Variants in ELL observed in about 807,000 individuals in gnomAD.
ELL encodes the protein RNA polymerase II elongation factor ELL.
In ELL, 18 loss-of-function variants were observed where a neutral mutation model predicts 64.0. The observed-to-expected ratio is 0.28, with a 90% CI of 0.19 to 0.42. The LOEUF is 0.42. ELL is among the 10% of genes least tolerant of loss of function. The probability of loss-of-function intolerance (pLI) is 1.00; values close to 1 mark genes in which losing one functional copy is unlikely to be tolerated. For missense variants in ELL, 797 were observed against 870.4 expected (o/e 0.92, Z 1.06); for synonymous variants, 399 against 376.2 (o/e 1.06, Z -0.70).
intron 4 of ELL, among the ~76,000 whole-genome samples, chr19:18,462,143 C>T (rs184230663): frequency 9.8e-4 from 149 of 151,272 alleles, no homozygotes; most frequent in African/African-American, 3.5e-3. Context: ...AAATCCTGGA[C>T]AGCAAAATCA....
intron 1 of ELL, among the ~76,000 whole-genome samples, chr19:18,479,994 T>C (rs1975264410): frequency 6.6e-6 from 1 of 152,164 alleles, no homozygotes; most frequent in Admixed American, 6.5e-5. Flanking sequence ...TGCTGTCTAC[T>C]GGGCAAGGCC....
At chr19:18,513,627 G>A (rs1361750192) in intron 1 of ELL, among the ~76,000 whole-genome samples, 1 of 152,096 alleles carries the variant, frequency 6.6e-6, no homozygotes, top group African/African-American at 2.4e-5. Flanking sequence ...AACTTCACAG[G>A]ATGCTTTTAA....
In ELL at chr19:18,443,090, C is replaced by G. The variant is rs1306099644; in HGVS notation, c.*1662G>C. 3 of 232,720 alleles carry G rather than the reference C, an allele frequency of 1.3e-5. No individual in the cohort carries two copies. Among genetic ancestry groups the G allele is most frequent in the South Asian group, 1.8e-4 (1 of 5,530 alleles). 14.4% of individuals were successfully genotyped at this position (232,720 alleles called of 1,614,324 possible). A position where few individuals can be genotyped will look rare whatever the true frequency, so the allele number is the denominator to read the frequency against. On this transcript the variant is annotated 3_prime_UTR_variant, in exon 12 of 12. Coordinates refer to ENST00000262809, the MANE Select transcript of ELL (RefSeq NM_006532.4). ...GGGGCGGGCAGTCCCGGGCTGGGAC[C>G]TCCTGAAATCATCCCACCTCACCGG...
intron 1 of ELL, among the ~76,000 whole-genome samples, chr19:18,518,839 G>C (rs1273278091): frequency 6.6e-6 from 1 of 151,718 alleles, no homozygotes; most frequent in Admixed American, 6.6e-5. Flanking sequence ...GGTAGAGTGA[G>C]AAGGCCAGCA....
Position 18,465,564 on chromosome 19 carries a change from ACTTCCC to A in ELL, c.311_316del (p.Gly104_Glu105del). On this transcript the variant is annotated inframe_deletion, in exon 4 of 12. Transcript: ENST00000262809. ...TATGCTGCCCAGGCAGTCCAGGTGA[ACTTCCC>A]CATGACTGCAAGACAAGGCCAGGAG... 6.3e-7 allele frequency: 1 copy of A among 1,595,470 alleles called. No homozygotes were observed. The highest frequency in any genetic ancestry group is 8.6e-7 in the Non-Finnish European group (1 of 1,166,392).
intron 1 of ELL, among the ~76,000 whole-genome samples, chr19:18,492,493 A>T (rs181641641): frequency 6.6e-6 from 1 of 152,226 alleles, no homozygotes; most frequent in Non-Finnish European, 1.5e-5. Flanking sequence ...AGTGCATCCA[A>T]CGATGGCTGT....
chr19:18,493,268 G>A (rs1975570301), intron 1 of ELL, among the ~76,000 whole-genome samples: 1 of 152,240 alleles, frequency 6.6e-6, no homozygotes, highest in Non-Finnish European at 1.5e-5. Context: ...AAGGGCCGCT[G>A]TCACCACAGT....
chr19:18,453,714 T>C (rs1383533523), intron 6 of ELL, among the ~76,000 whole-genome samples: 6 of 152,128 alleles, frequency 3.9e-5, no homozygotes, highest in Non-Finnish European at 5.9e-5. Flanking sequence ...CACAACACCA[T>C]GCCTGGCTAA....
chr19:18,486,324 GC>G (rs957269372), intron 1 of ELL, among the ~76,000 whole-genome samples: 2 of 152,202 alleles, frequency 1.3e-5, no homozygotes, highest in African/African-American at 4.8e-5. Flanking sequence ...AGGCCACTCT[GC>G]CCCGTTTCTA....
At chr19:18,514,563 T>C (rs886491829) in intron 1 of ELL, among the ~76,000 whole-genome samples, 1 of 149,560 alleles carries the variant, frequency 6.7e-6, no homozygotes, top group African/African-American at 2.5e-5. Flanking sequence ...CCACATGTCA[T>C]GGCCATCTCT....
Position 18,481,355 on chromosome 19 carries a change from C to T in ELL, c.136-8473G>A, listed in dbSNP as rs1975296502. ...AAATCCAAGTGTTAGCAGGCTCCCT[C>T]CTTTTGGGGGCTCTAGGGGAGGACC... is the stretch of plus-strand genomic sequence containing the variant. On this transcript the variant is annotated intron_variant, in intron 1 of 11. Transcript: ENST00000262809. Among the ~76,000 whole-genome samples the T allele has an allele frequency of 2.0e-5, 3 of 152,188 alleles. No individual in the cohort carries two copies. In the South Asian group the frequency reaches 6.2e-4, roughly 32 times the overall value.
At chr19:18,450,998 T>C in intron 7 of ELL, 23 bp from the exon 8 acceptor site, 4 of 1,508,044 alleles carry the variant, frequency 2.7e-6, no homozygotes, top group Non-Finnish European at 3.5e-6. Context: ...AGAGATCATT[T>C]TAGAGGGGAG....
chr19:18,479,052 C>T (rs911208398), intron 1 of ELL, among the ~76,000 whole-genome samples: 2 of 152,240 alleles, frequency 1.3e-5, no homozygotes, highest in South Asian at 2.1e-4. Flanking sequence ...GATGAAGCAA[C>T]AGGAAGTGGC....
intron 1 of ELL, among the ~76,000 whole-genome samples, chr19:18,508,805 T>C (rs1975939072): frequency 6.6e-6 from 1 of 152,212 alleles, no homozygotes; most frequent in Non-Finnish European, 1.5e-5. Flanking sequence ...TGTGTCCCTA[T>C]AAAACTTTAT....
At chr19:18,507,856 C>T (rs1172743924) in intron 1 of ELL, among the ~76,000 whole-genome samples, 1 of 152,190 alleles carries the variant, frequency 6.6e-6, no homozygotes, top group East Asian at 1.9e-4. Context: ...GCCCCACTAC[C>T]CATCTGGAGG....
At chr19:18,482,793 G>GC (rs1975331728) in intron 1 of ELL, among the ~76,000 whole-genome samples, 4 of 146,090 alleles carry the variant, frequency 2.7e-5, no homozygotes, top group South Asian at 4.2e-4. Context: ...TGTTGTTGTT[G>GC]TTGCTGCTGT....
chr19:18,463,628 T>C (rs1435215003), intron 4 of ELL, among the ~76,000 whole-genome samples: 2 of 152,066 alleles, frequency 1.3e-5, no homozygotes, highest in African/African-American at 4.8e-5. Context: ...CCACTGCATC[T>C]GGCCACATTC....
chr19:18,509,598 T>TAC (rs1183127480), intron 1 of ELL, among the ~76,000 whole-genome samples: 6,048 of 81,618 alleles, frequency 0.074, 358 homozygotes, highest in East Asian at 0.11. Flanking sequence ...CGCGCGCACA[T>TAC]ACACACACAC....
At chr19:18,460,918 C>T (rs1456535693) in intron 5 of ELL, among the ~76,000 whole-genome samples, 1 of 152,188 alleles carries the variant, frequency 6.6e-6, no homozygotes, top group Non-Finnish European at 1.5e-5. Context: ...CGAGTCACTC[C>T]CCTTCCCAGG....
Sources: allele counts gnomAD v4.1 joint callset (sites outside exome capture counted in the v4.1 genomes callset), GRCh38; gene constraint gnomAD v4.1.1; transcripts MANE v1.5; gene names NCBI Gene and HGNC (gene_info 2026-07-23, HGNC 2026-07-21).